IGF2R: variants seen among roughly 807,000 people sequenced by gnomAD.
The protein encoded by IGF2R is insulin like growth factor 2 receptor.
Under a neutral mutation model 270.6 loss-of-function variants are expected in IGF2R, and 91 were observed. The observed-to-expected ratio is 0.34, with a 90% CI of 0.28 to 0.40. The LOEUF (loss-of-function observed/expected upper bound fraction) is 0.40. Ranked by LOEUF, IGF2R falls within the 10% of genes least tolerant of loss-of-function variation. IGF2R has a pLI of 1.00. For synonymous variants in IGF2R, 1,316 were observed against 1,258.9 expected (o/e 1.05, Z -0.96); for missense variants, 2,805 against 3,188.3 (o/e 0.88, Z 2.90).
chr6:160,089,553 TC>T (rs938346408), intron 43 of IGF2R, among the ~76,000 whole-genome samples: 29 of 152,372 alleles, frequency 1.9e-4, no homozygotes, highest in African/African-American at 7.0e-4. Flanking sequence ...GCAGGAATCT[TC>T]TGGGCTTACC....
chr6:159,969,274 C>A lies in IGF2R; in HGVS notation c.28C>A (p.His10Asn). Reference protein sequence around the residue: MGAAAGRSPHLGPAPARRPQ... With the variant: MGAAAGRSPNLGPAPARRPQ... The stretch of plus-strand genomic sequence containing the variant: ...GGGGGCCGCCGCCGGCCGGAGCCCC[C>A]ACCTGGGGCCCGCGCCCGCCCGCCG... Residue 10 changes from histidine to asparagine, a missense_variant, in exon 1 of 48, where the codon CAC becomes AAC. Physicochemically the swap from His to Asn is moderately conservative, Grantham distance 68 (BLOSUM62 1). Coordinates refer to ENST00000356956, the MANE Select transcript of IGF2R (RefSeq NM_000876.4). 8.7e-7 allele frequency: 1 copy of A among 1,152,174 alleles called. No homozygotes were observed. Among genetic ancestry groups the A allele is most frequent in the Non-Finnish European group, 1.1e-6 (1 of 940,592 alleles). The allele number at this position is 1,152,174 out of a possible 1,614,324, so 71.4% of individuals were successfully genotyped here.
chr6:160,041,572 C>T (rs1009618876), intron 11 of IGF2R, among the ~76,000 whole-genome samples: 5 of 152,112 alleles, frequency 3.3e-5, no homozygotes, highest in African/African-American at 4.8e-5. Context: ...CAAACCTGCA[C>T]GTTCTCCACA....
chr6:160,102,657 CAAG>C lies in IGF2R; in HGVS notation c.6985_6987del (p.Lys2329del). 3 of 1,606,268 alleles carry C rather than the reference CAAG, an allele frequency of 1.9e-6. No homozygotes were observed. Among genetic ancestry groups the C allele is most frequent in the African/African-American group, 2.7e-5 (2 of 74,936 alleles). ...GCTGCCTGCTGGCCCTGTTGCTCTACAAGAAGGAGAGGAGGTAAGCGGGTGGCA... is the reference window on the plus strand; with the variant it reads ...GCTGCCTGCTGGCCCTGTTGCTCTACAAGGAGAGGAGGTAAGCGGGTGGCA... On this transcript the variant is annotated inframe_deletion, in exon 46 of 48. Coordinates refer to ENST00000356956, the MANE Select transcript of IGF2R (RefSeq NM_000876.4). This position sits in a 1 kb window ranked among gnomAD's most constrained non-coding sequence, Gnocchi z 4.5.
intron 4 of IGF2R, among the ~76,000 whole-genome samples, chr6:160,013,569 C>G (rs984910694): frequency 2.6e-5 from 4 of 152,144 alleles, no homozygotes; most frequent in East Asian, 3.8e-4. Flanking sequence ...ACTTTGTACT[C>G]TCTTACCTCT....
chr6:159,990,958 C>T (rs953073996), intron 1 of IGF2R, among the ~76,000 whole-genome samples: 1 of 152,154 alleles, frequency 6.6e-6, no homozygotes, highest in Non-Finnish European at 1.5e-5. Flanking sequence ...TCTTTGAGTC[C>T]TGAGGTAGCT....
At chr6:160,062,691 A>T in intron 26 of IGF2R, 72 bp downstream of exon 26, 1 of 1,062,004 alleles carries the variant, frequency 9.4e-7, no homozygotes, top group Non-Finnish European at 1.4e-6. Context: ...GATGCCTTAG[A>T]TATGAGACCG....
At position 160,047,278 on chromosome 6, in the gene IGF2R, C is replaced by G. The variant is rs1778090230; in HGVS notation, c.2171C>G (p.Ala724Gly). 6.2e-7 allele frequency: 1 copy of G among 1,612,794 alleles called. No homozygotes were observed. Among genetic ancestry groups the G allele is most frequent in the African/African-American group, 1.3e-5 (1 of 75,030 alleles). ...AACAATGAAAGACACACACCGAGAGCTACGCTCATCACCTTTCTCTGTGAT... is the reference window on the plus strand; with the variant it reads ...AACAATGAAAGACACACACCGAGAGGTACGCTCATCACCTTTCTCTGTGAT... ...PYNNERHTPR[A>G]TLITFLCDRD... Residue 724 changes from alanine (A) to glycine (G), a missense_variant, in exon 16 of 48, where the codon GCT becomes GGT. Around this residue, in one of 2 missense-constraint regions of IGF2R, gnomAD observed 954 missense variants for 981.1 expected, o/e 0.97. Transcript: ENST00000356956.
intron 11 of IGF2R, among the ~76,000 whole-genome samples, chr6:160,042,361 C>G (rs1050258844): frequency 2.6e-5 from 4 of 152,186 alleles, no homozygotes; most frequent in African/African-American, 9.7e-5. Context: ...TGGGGTTTTG[C>G]CTTCCAAACC....
In IGF2R at chr6:160,002,496, G is replaced by A. The variant is rs578086884; in HGVS notation, c.290-6514G>A. Among the ~76,000 whole-genome samples, 17 of 152,290 alleles carry A rather than the reference G, an allele frequency of 1.1e-4. No individual in the cohort carries two copies. In the East Asian group the frequency reaches 2.1e-3, roughly 19 times the overall value. ...TTCGTCCTTATTGTCTTCATGTTGC[G>A]TAGGCTGAGTAGGAGGAGGAAGAGG... is the stretch of plus-strand genomic sequence containing the variant. On this transcript the variant is annotated intron_variant, in intron 2 of 47. Transcript: ENST00000356956.
chr6:160,094,974 A>T (rs1363411987), intron 44 of IGF2R: 2 of 150,064 alleles, frequency 1.3e-5, no homozygotes, highest in Non-Finnish European at 3.0e-5. Context: ...TTCTCTCGGG[A>T]GTATGAGATC....
At chr6:160,011,550 C>CA (rs1784335005) in intron 4 of IGF2R, among the ~76,000 whole-genome samples, 1 of 108,172 alleles carries the variant, frequency 9.2e-6, no homozygotes. Flanking sequence ...TCACATATTT[C>CA]GTTTTTTTTT....
intron 16 of IGF2R, 59 bp from the exon 17 acceptor site, chr6:160,047,733 G>T (rs1778100435): frequency 9.3e-7 from 1 of 1,077,258 alleles, no homozygotes; most frequent in Admixed American, 1.7e-5. Flanking sequence ...TTGAATCCTG[G>T]TTTTATGTCA....
At chr6:160,015,634 G>A (rs542791084) in intron 4 of IGF2R, among the ~76,000 whole-genome samples, 16 of 152,208 alleles carry the variant, frequency 1.1e-4, no homozygotes, top group Non-Finnish European at 1.9e-4. Flanking sequence ...CATGGTTTCT[G>A]TCCTGGGCAG....
chr6:160,088,703 G>A (rs1779148731), intron 42 of IGF2R, among the ~76,000 whole-genome samples: 1 of 152,202 alleles, frequency 6.6e-6, no homozygotes, highest in African/African-American at 2.4e-5. Context: ...GAATGTATGA[G>A]TCTGAGAAGC....
Position 160,102,462 on chromosome 6 carries a change from G to C in IGF2R, c.6843-57G>C. The C allele has an allele frequency of 6.3e-7, 1 of 1,576,638 alleles. No individual in the cohort carries two copies. Among genetic ancestry groups the C allele is most frequent in the Non-Finnish European group, 8.7e-7 (1 of 1,155,134 alleles). On this transcript the variant is annotated intron_variant, in intron 45 of 47. Transcript: ENST00000356956. The surrounding 1 kb of genome is among the most constrained non-coding windows in gnomAD (Gnocchi z 4.5). The stretch of plus-strand genomic sequence containing the variant: ...CTTGGGGACTCAGGTCTCAGGTTGT[G>C]GCTGTGGCAGCAGGACCACCCTGTG...
chr6:160,001,125 CTGCACAGCAG>C (rs1784123299), intron 2 of IGF2R, among the ~76,000 whole-genome samples: 1 of 152,166 alleles, frequency 6.6e-6, no homozygotes, highest in African/African-American at 2.4e-5. Context: ...AGGAGCTGGG[CTGCACAGCAG>C]GAGGTGAGTG....
At chr6:160,052,797 A>G (rs1265153407) in intron 19 of IGF2R, among the ~76,000 whole-genome samples, 1 of 152,222 alleles carries the variant, frequency 6.6e-6, no homozygotes, top group East Asian at 1.9e-4. Context: ...CAACCATCTG[A>G]TCTTTGACAA....
intron 4 of IGF2R, among the ~76,000 whole-genome samples, chr6:160,018,143 C>T (rs1777347810): frequency 6.6e-6 from 1 of 151,902 alleles, no homozygotes; most frequent in Non-Finnish European, 1.5e-5. Context: ...TAAAGACATA[C>T]ACTGAAGCTA....
intron 10 of IGF2R, among the ~76,000 whole-genome samples, chr6:160,036,561 T>C (rs780901858): frequency 1.1e-4 from 16 of 152,142 alleles, no homozygotes; most frequent in Non-Finnish European, 1.9e-4. Flanking sequence ...ATTAATGACT[T>C]GGCCGAGATC....
Sources: gnomAD v4.1 joint callset for allele counts (sites outside exome capture counted in the v4.1 genomes callset) on GRCh38, gnomAD v4.1.1 for gene constraint, gnomAD v4.1.1 regional missense constraint, Gnocchi (gnomAD v3.1) non-coding constraint, MANE v1.5 for transcripts, NCBI Gene and HGNC (gene_info 2026-07-23, HGNC 2026-07-21) for gene names.